PRRC2B: variants seen among roughly 807,000 people sequenced by gnomAD.
The protein encoded by PRRC2B is protein PRRC2B.
Under a neutral mutation model 242.3 loss-of-function variants are expected in PRRC2B, and 68 were observed. That is an observed-to-expected ratio of 0.28 (90% CI 0.23 to 0.34). PRRC2B has a LOEUF of 0.34. Ranked by LOEUF, PRRC2B falls within the 10% of genes least tolerant of loss-of-function variation. The pLI is 1.00. For missense variants in PRRC2B, 2,835 were observed against 2,954.8 expected, an observed-to-expected ratio of 0.96 and a Z score of 0.94; for synonymous variants, 1,228 against 1,173.6, an observed-to-expected ratio of 1.05 and a Z score of -0.95.
chr9:131,420,504 T>TC (rs1364794312), intron 1 of PRRC2B, among the ~76,000 whole-genome samples: 7 of 104,092 alleles, frequency 6.7e-5, no homozygotes, highest in African/African-American at 1.9e-4. Context: ...TTTTTTTTTT[T>TC]TTTTTTGAGA....
At chr9:131,492,387 G>A in intron 30 of PRRC2B, 127 bp downstream of exon 30, 1 of 677,522 alleles carries the variant, frequency 1.5e-6, no homozygotes, top group Non-Finnish European at 2.6e-6. Context: ...TGGGCCATGT[G>A]TCACTGTGGT....
In PRRC2B at chr9:131,487,735, C is replaced by A; in HGVS notation, c.5985-121C>A. 1 of 1,357,880 alleles carries A rather than the reference C, an allele frequency of 7.4e-7. No homozygotes were observed. Among genetic ancestry groups the A allele is most frequent in the Non-Finnish European group, 9.9e-7 (1 of 1,008,490 alleles). 84.1% of individuals were successfully genotyped at this position (1,357,880 alleles called of 1,614,324 possible). A position where few individuals can be genotyped will look rare whatever the true frequency, so the allele number is the denominator to read the frequency against. On this transcript the variant is annotated intron_variant, in intron 27 of 31. Coordinates refer to ENST00000683519, the MANE Select transcript of PRRC2B (RefSeq NM_013318.4). This position sits in a 1 kb window ranked among gnomAD's most constrained non-coding sequence, Gnocchi z 5.3. ...CCCATCCTGGACCCTCTGAGTCGCGCTCTGGGGGTGGGGCCGGGGATCTGT... is the reference window on the plus strand; with the variant it reads ...CCCATCCTGGACCCTCTGAGTCGCGATCTGGGGGTGGGGCCGGGGATCTGT...
chr9:131,393,736 C>G (rs1301257193), upstream of PRRC2B, among the ~76,000 whole-genome samples: 2 of 151,408 alleles, frequency 1.3e-5, no homozygotes, highest in Admixed American at 6.6e-5. Context: ...CCCCCGGGCC[C>G]AGGCCGGGCC....
chr9:131,458,511 T>A (rs1021434953), intron 10 of PRRC2B, among the ~76,000 whole-genome samples: 2 of 152,156 alleles, frequency 1.3e-5, no homozygotes, highest in East Asian at 1.9e-4. Context: ...TTATTTTTTT[T>A]TTTTTCTGAG....
chr9:131,448,673 A>G (rs1324092657), intron 9 of PRRC2B, among the ~76,000 whole-genome samples: 1 of 150,592 alleles, frequency 6.6e-6, no homozygotes, highest in Non-Finnish European at 1.5e-5. Context: ...CTCCTTCCTC[A>G]GCCTCCGGAG....
At chr9:131,417,992 C>T (rs1263929745) in intron 1 of PRRC2B, among the ~76,000 whole-genome samples, 2 of 152,234 alleles carry the variant, frequency 1.3e-5, no homozygotes, top group East Asian at 3.8e-4. Flanking sequence ...GATGTCTGGT[C>T]ATTGGCACAA....
chr9:131,406,213 G>A (rs998452993), intron 1 of PRRC2B, among the ~76,000 whole-genome samples: 6 of 152,152 alleles, frequency 3.9e-5, no homozygotes, highest in African/African-American at 9.7e-5. Flanking sequence ...ATTTGGACCC[G>A]TAGCGCATTG....
At position 131,484,986 on chromosome 9, in the gene PRRC2B, T is replaced by G; in HGVS notation, c.5604T>G (p.Ser1868Arg). Residue 1868 changes from serine to arginine, a missense_variant, in exon 25 of 32, where the codon AGT becomes AGG. Ser to Arg is a moderately radical substitution (Grantham distance 110). This residue lies in a region of PRRC2B where 574 missense variants were observed against 626.0 expected (regional missense o/e 0.92). Coordinates refer to ENST00000683519, the MANE Select transcript of PRRC2B (RefSeq NM_013318.4). ...GCAAGGCTTGGGAAAACTCCCCCAG[T>G]TTGCCGGAGCAGAGCTCTCCAGGCG... ...SARKAWENSP[S>R]LPEQSSPGGA... 1 of 1,613,484 alleles carries G rather than the reference T, an allele frequency of 6.2e-7. No homozygotes were observed. The highest frequency in any genetic ancestry group is 2.2e-5 in the East Asian group (1 of 44,858).
intron 1 of PRRC2B, among the ~76,000 whole-genome samples, chr9:131,420,494 T>TGTC (rs1554758632): frequency 6.0e-4 from 6 of 10,046 alleles, no homozygotes; most frequent in Admixed American, 2.8e-3. Context: ...TCTTTCTTTC[T>TGTC]TTTTTTTTTT....
rs1439097336 is a variant in PRRC2B, at chr9:131,459,455, A to G, written c.1404+99A>G. On this transcript the variant is annotated intron_variant, in intron 11 of 31. Coordinates refer to ENST00000683519, the MANE Select transcript of PRRC2B (RefSeq NM_013318.4). The stretch of plus-strand genomic sequence containing the variant: ...AAGTGGGCATTTCTTTTTCATTTTT[A>G]TATTTCTTCTTTTGTTAAAATGTTT... 4.9e-6 allele frequency: 5 copies of G among 1,011,280 alleles called. No homozygotes were observed. The East Asian group carries it at 7.9e-5, about 16-fold the overall frequency. 62.6% of individuals were successfully genotyped at this position (1,011,280 alleles called of 1,614,324 possible). A position where few individuals can be genotyped will look rare whatever the true frequency, so the allele number is the denominator to read the frequency against.
Position 131,487,096 on chromosome 9 carries a change from G to T in PRRC2B, c.5857-71G>T. 5 of 1,413,234 alleles carry T rather than the reference G, an allele frequency of 3.5e-6. No homozygotes were observed. The South Asian group carries it at 5.9e-5, about 17-fold the overall frequency. 87.5% of individuals were successfully genotyped at this position (1,413,234 alleles called of 1,614,324 possible). ...AGCAGCCATGTGGAGAGGGGCAGGGGAGGTGGGAGGGGAAGAACCACCTGG... is the reference window on the plus strand; with the variant it reads ...AGCAGCCATGTGGAGAGGGGCAGGGTAGGTGGGAGGGGAAGAACCACCTGG... On this transcript the variant is annotated intron_variant, in intron 26 of 31. Coordinates refer to ENST00000683519, the MANE Select transcript of PRRC2B (RefSeq NM_013318.4). The surrounding 1 kb of genome is among the most constrained non-coding windows in gnomAD (Gnocchi z 5.3).
chr9:131,434,893 G>A (rs1838295459), intron 3 of PRRC2B, among the ~76,000 whole-genome samples: 1 of 152,090 alleles, frequency 6.6e-6, no homozygotes, highest in Admixed American at 6.6e-5. Context: ...TTTTTGGAGG[G>A]CAGCCTGGCA....
rs1837782491 is a variant in PRRC2B, at chr9:131,420,462, T to TC, written c.-51-9632_-51-9631insC. Among the ~76,000 whole-genome samples the TC allele has an allele frequency of 8.3e-4, 7 of 8,416 alleles. 1 individual carries two copies. Among genetic ancestry groups the TC allele is most frequent in the African/African-American group, 1.5e-3 (7 of 4,546 alleles). The allele number at this position is 8,416 out of a possible 152,430, so 5.5% of individuals were successfully genotyped here. A position where few individuals can be genotyped will look rare whatever the true frequency, so the allele number is the denominator to read the frequency against. ...TTCTTTTTCTTTTTCTTTTTCTTTC[T>TC]TTCTTTCTTTCTTTCTTTCTTTCTT... On this transcript the variant is annotated intron_variant, in intron 1 of 31. Transcript: ENST00000683519.
In PRRC2B at chr9:131,467,566, C is replaced by T. The variant is rs752432775; in HGVS notation, c.1724C>T (p.Ser575Phe). 27 of 1,601,020 alleles carry T rather than the reference C, an allele frequency of 1.7e-5. No individual in the cohort carries two copies. The highest frequency in any genetic ancestry group is 2.3e-5 in the Non-Finnish European group (27 of 1,173,686). Residue 575 changes from serine to phenylalanine, a missense_variant, in exon 13 of 32, where the codon TCC (serine) becomes TTC (phenylalanine). Transcript: ENST00000683519. ...QENGPAVHKG[S>F]PEFPAQETPT... ...TCTCTGCTGGTATATTCTCTAGGCT[C>T]CCCAGAATTCCCTGCCCAAGAGACC... is the stretch of plus-strand genomic sequence containing the variant.
intron 28 of PRRC2B, among the ~76,000 whole-genome samples, chr9:131,489,332 G>A (rs932496236): frequency 6.6e-6 from 1 of 151,694 alleles, no homozygotes; most frequent in African/African-American, 2.4e-5. Context: ...GATTACAGGC[G>A]CCCACCACCC....
upstream of PRRC2B, chr9:131,394,033 C>CGGGGGCGGCGGCAGGCGGGGGGCG (rs1836965432): frequency 2.1e-5 from 3 of 145,588 alleles, no homozygotes; most frequent in Non-Finnish European, 4.5e-5. Flanking sequence ...GACGAGGAGG[C>CGGGGGCGGCGGCAGGCGGGGGGCG]GGGGGCGGCG....
rs760269104 is a variant in PRRC2B at position 131,479,406 on chromosome 9, G to GGT, written c.4900+17_4900+18dup. 1 of 1,611,672 alleles carries GGT rather than the reference G, an allele frequency of 6.2e-7. No homozygotes were observed. The highest frequency in any genetic ancestry group is 1.7e-5 in the Admixed American group (1 of 59,780). On this transcript the variant is annotated intron_variant, in intron 19 of 31. Transcript: ENST00000683519. ...AGCAGCAGCCAGGGTGAGAGTTGGG[G>GGT]GTGTGACCCCAGCTGTGGCACCCAA...
upstream of PRRC2B, among the ~76,000 whole-genome samples, chr9:131,392,430 TTTAA>T (rs1240865113): frequency 1.3e-5 from 2 of 152,160 alleles, no homozygotes; most frequent in African/African-American, 4.8e-5. Context: ...AGTTTATTTA[TTTAA>T]TTTATTTTTT....
chr9:131,456,133 A>AT (rs1212674644), intron 10 of PRRC2B, among the ~76,000 whole-genome samples: 1 of 151,880 alleles, frequency 6.6e-6, no homozygotes, highest in Non-Finnish European at 1.5e-5. Flanking sequence ...GAAAAAAAAA[A>AT]TTAAGTGCAC....
Sources: allele counts gnomAD v4.1 joint callset (sites outside exome capture counted in the v4.1 genomes callset), GRCh38; gene constraint gnomAD v4.1.1; regional missense constraint gnomAD v4.1.1; non-coding constraint Gnocchi (gnomAD v3.1); transcripts MANE v1.5; gene names NCBI Gene and HGNC (gene_info 2026-07-23, HGNC 2026-07-21).